TENM4: variants seen among roughly 807,000 people sequenced by gnomAD.
TENM4 encodes teneurin transmembrane protein 4.
TENM4 carries 82 observed loss-of-function variants against 243.3 expected under a neutral mutation model. That is an observed-to-expected ratio of 0.34 (90% CI 0.28 to 0.40). The LOEUF (loss-of-function observed/expected upper bound fraction) is 0.40. Among genes scored for constraint, TENM4 ranks in the 10% least tolerant of loss-of-function variants. The pLI is 1.00. For missense variants in TENM4, 3,138 were observed against 3,673.3 expected (o/e 0.85, Z 3.77); for synonymous variants, 1,412 against 1,456.3 (o/e 0.97, Z 0.69).
chr11:79,296,472 C>T (rs376794026), intron 2 of TENM4, among the ~76,000 whole-genome samples: 230 of 152,246 alleles, frequency 1.5e-3, no homozygotes, highest in African/African-American at 5.0e-3. Flanking sequence ...CACTCTCAGG[C>T]GGAGAAAACA....
chr11:79,335,412 G>T (rs371354713), intron 1 of TENM4, among the ~76,000 whole-genome samples: 3 of 152,216 alleles, frequency 2.0e-5, no homozygotes, highest in African/African-American at 4.8e-5. Flanking sequence ...TTGCTATAAG[G>T]CAGGTTGATT....
intron 6 of TENM4, among the ~76,000 whole-genome samples, chr11:79,060,110 G>A (rs1212585369): frequency 6.6e-6 from 1 of 152,232 alleles, no homozygotes; most frequent in Non-Finnish European, 1.5e-5. Flanking sequence ...GTGCTTGGGA[G>A]CGAAGCTTGA....
intron 9 of TENM4, among the ~76,000 whole-genome samples, chr11:78,887,944 C>T (rs964165444): frequency 1.3e-5 from 2 of 152,232 alleles, no homozygotes; most frequent in Admixed American, 6.5e-5. Context: ...CAGAAGTCTA[C>T]TCACTTATGA....
At chr11:78,756,774 C>A (rs762830014) in intron 19 of TENM4, 31 bp downstream of exon 19, 2 of 1,591,078 alleles carry the variant, frequency 1.3e-6, no homozygotes, top group East Asian at 4.5e-5. Context: ...CCTCAGAGAG[C>A]CCTGGCTGGA....
At chr11:78,925,667 G>A (rs973064734) in intron 6 of TENM4, among the ~76,000 whole-genome samples, 1 of 152,158 alleles carries the variant, frequency 6.6e-6, no homozygotes, top group Non-Finnish European at 1.5e-5. Flanking sequence ...TGGGAGGAAT[G>A]TTCCAGAAGG....
chr11:78,999,114 A>C (rs922562528), intron 6 of TENM4, among the ~76,000 whole-genome samples: 21 of 152,238 alleles, frequency 1.4e-4, no homozygotes, highest in African/African-American at 4.8e-4. Flanking sequence ...CTATGTAGTC[A>C]GAAGCTGAAA....
chr11:79,340,440 A>G (rs1031528187), intron 1 of TENM4, among the ~76,000 whole-genome samples: 1 of 152,098 alleles, frequency 6.6e-6, no homozygotes, highest in Admixed American at 6.5e-5. Flanking sequence ...AGACATACAC[A>G]CTACAAGCTG....
intron 12 of TENM4, among the ~76,000 whole-genome samples, chr11:78,838,675 A>C (rs1858179072): frequency 6.6e-6 from 1 of 152,176 alleles, no homozygotes; most frequent in Non-Finnish European, 1.5e-5. Flanking sequence ...ATGTAAGAAA[A>C]ATGGAGGAGG....
intron 3 of TENM4, among the ~76,000 whole-genome samples, chr11:79,171,505 T>C (rs896941538): frequency 6.6e-6 from 1 of 152,188 alleles, no homozygotes; most frequent in Non-Finnish European, 1.5e-5. Context: ...ATGAAACGAT[T>C]AACCGTTGGG....
At chr11:78,805,566 TA>T in intron 14 of TENM4, 74 bp from the exon 15 acceptor site, 1 of 1,513,206 alleles carries the variant, frequency 6.6e-7, no homozygotes, top group Middle Eastern at 1.7e-4. Flanking sequence ...GCAAACTACT[TA>T]GCTTTGTGGC....
intron 4 of TENM4, among the ~76,000 whole-genome samples, chr11:79,108,910 A>ACT (rs1861438108): frequency 6.7e-6 from 1 of 148,692 alleles, no homozygotes; most frequent in Non-Finnish European, 1.5e-5. Flanking sequence ...CTTCCCTTCC[A>ACT]CTCTCTCCCC....
intron 21 of TENM4, among the ~76,000 whole-genome samples, chr11:78,730,342 G>T (rs991505961): frequency 6.6e-6 from 1 of 152,092 alleles, no homozygotes; most frequent in Non-Finnish European, 1.5e-5. Flanking sequence ...TTTCCTTTTC[G>T]GGAAATTAAA....
chr11:78,879,076 C>T (rs541373312), intron 9 of TENM4, among the ~76,000 whole-genome samples: 19 of 151,202 alleles, frequency 1.3e-4, no homozygotes, highest in Admixed American at 3.3e-4. Flanking sequence ...TGCCTCTGCC[C>T]GGCTGCCCCA....
At chr11:78,996,180 C>G (rs1858168198) in intron 6 of TENM4, among the ~76,000 whole-genome samples, 1 of 152,216 alleles carries the variant, frequency 6.6e-6, no homozygotes, top group South Asian at 2.1e-4. Context: ...TGAATCCTGG[C>G]TGGCCCTGTG....
chr11:78,830,200 G>A (rs1412633581), intron 12 of TENM4, among the ~76,000 whole-genome samples: 2 of 152,104 alleles, frequency 1.3e-5, no homozygotes, highest in Non-Finnish European at 2.9e-5. Flanking sequence ...AGAACCCCCC[G>A]GGGCATTTCC....
intron 1 of TENM4, among the ~76,000 whole-genome samples, chr11:79,412,292 G>A (rs866663243): frequency 1.4e-4 from 22 of 152,342 alleles, no homozygotes; most frequent in Middle Eastern, 6.8e-3. Context: ...TGGCAAAGAT[G>A]GCCAGCTCCC....
At chr11:78,981,737 T>C (rs924088251) in intron 6 of TENM4, among the ~76,000 whole-genome samples, 4 of 152,208 alleles carry the variant, frequency 2.6e-5, no homozygotes, top group African/African-American at 4.8e-5. Context: ...ACGATAATCA[T>C]TGAAGCCGGT....
intron 33 of TENM4, among the ~76,000 whole-genome samples, chr11:78,660,484 C>T (rs1011868194): frequency 2.6e-5 from 4 of 152,062 alleles, no homozygotes; most frequent in Admixed American, 6.6e-5. Flanking sequence ...GTGCCACCAG[C>T]GTACAGGGGT....
chr11:79,251,680 T>A (rs1349853473), intron 2 of TENM4, among the ~76,000 whole-genome samples: 1 of 152,014 alleles, frequency 6.6e-6, no homozygotes, highest in Non-Finnish European at 1.5e-5. Context: ...ACCCTTGACA[T>A]ACTAAAATAC....
Sources: allele counts gnomAD v4.1 joint callset (sites outside exome capture counted in the v4.1 genomes callset), GRCh38; gene constraint gnomAD v4.1.1; transcripts MANE v1.5; gene names NCBI Gene and HGNC (gene_info 2026-07-23, HGNC 2026-07-21).